Variants in RAP2A observed in about 807,000 individuals in gnomAD.
The protein encoded by RAP2A is ras-related protein Rap-2a.
Under a neutral mutation model 15.1 loss-of-function variants are expected in RAP2A, and 5 were observed. The ratio of observed to expected loss-of-function variants is 0.33; its 90% confidence interval spans 0.17 to 0.70. The LOEUF is 0.70. Ranked by LOEUF, RAP2A falls within the 30% of genes least tolerant of loss-of-function variation. The pLI is 0.68. For synonymous variants in RAP2A, 110 were observed against 99.7 expected, an observed-to-expected ratio of 1.10 and a Z score of -0.62; for missense variants, 111 against 240.3, an observed-to-expected ratio of 0.46 and a Z score of 3.56.
intron 1 of RAP2A, among the ~76,000 whole-genome samples, chr13:97,446,608 C>T (rs2066680763): frequency 1.3e-5 from 2 of 152,254 alleles, no homozygotes; most frequent in Admixed American, 6.5e-5. Flanking sequence ...CAGTTTGGGG[C>T]CTAATCTCTG....
chr13:97,434,923 C>A, intron 1 of RAP2A, 139 bp downstream of exon 1: 1 of 1,250,188 alleles, frequency 8.0e-7, no homozygotes, highest in Non-Finnish European at 1.1e-6. Flanking sequence ...TGTCATTCTG[C>A]TCCTCCTCCT....
Position 97,434,437 on chromosome 13 carries a change from G to GGGCGGC in RAP2A, c.-18_-13dup, listed in dbSNP as rs755279212. ...CGCGGCCGGCGTAGGTCTATGTCGC[G>GGGCGGC]GGCGGCGGCGGCGGCGGCGGCCGCG... On this transcript the variant is annotated 5_prime_UTR_variant, in exon 1 of 2. Coordinates refer to ENST00000245304, the MANE Select transcript of RAP2A (RefSeq NM_021033.7). The GGGCGGC allele has an allele frequency of 4.9e-5, 75 of 1,543,566 alleles. No individual in the cohort carries two copies. Among genetic ancestry groups the GGGCGGC allele is most frequent in the African/African-American group, 8.3e-5 (6 of 72,220 alleles).
At chr13:97,463,005 T>C (rs2066754524) in intron 1 of RAP2A, among the ~76,000 whole-genome samples, 1 of 86,602 alleles carries the variant, frequency 1.2e-5, no homozygotes, top group South Asian at 4.4e-4. Flanking sequence ...TGGTTTTCTC[T>C]TCTGACAGAT....
Position 97,464,201 on chromosome 13 carries a change from A to C in RAP2A, c.315-4A>C, listed in dbSNP as rs1336710832. On this transcript the variant is annotated splice_region_variant and splice_polypyrimidine_tract_variant and intron_variant, in intron 1 of 1. Coordinates refer to ENST00000245304, the MANE Select transcript of RAP2A (RefSeq NM_021033.7). ...GTATGTGTGTTTTGTTTATTCTCTCATAGGTATGAGAAAGTGCCAGTCATC... is the reference window on the plus strand; with the variant it reads ...GTATGTGTGTTTTGTTTATTCTCTCCTAGGTATGAGAAAGTGCCAGTCATC... 6.2e-7 allele frequency: 1 copy of C among 1,613,844 alleles called. No homozygotes were observed.
chr13:97,448,014 G>A (rs1214969441), intron 1 of RAP2A, among the ~76,000 whole-genome samples: 1 of 140,598 alleles, frequency 7.1e-6, no homozygotes, highest in Non-Finnish European at 1.5e-5. Context: ...AACCCACCTT[G>A]TCTTAGCTAG....
intron 1 of RAP2A, among the ~76,000 whole-genome samples, chr13:97,458,682 A>G (rs2066734076): frequency 6.6e-6 from 1 of 152,220 alleles, no homozygotes; most frequent in African/African-American, 2.4e-5. Flanking sequence ...AGAATTCTCA[A>G]GTTGTGTTGA....
At chr13:97,461,394 C>G (rs1167575213) in intron 1 of RAP2A, among the ~76,000 whole-genome samples, 1 of 149,608 alleles carries the variant, frequency 6.7e-6, no homozygotes, top group East Asian at 1.9e-4. Context: ...GAAAAGGCCA[C>G]TGACAAGTTA....
rs756996577 is a variant in RAP2A at position 97,434,530 on chromosome 13, C to G, written c.60C>G (p.Thr20=). 5 of 1,613,876 alleles carry G rather than the reference C, an allele frequency of 3.1e-6. No homozygotes were observed. In the South Asian group the frequency reaches 4.4e-5, roughly 14 times the overall value. The change falls in exon 1 of 2, where the codon ACC becomes ACG. Residue 20 remains threonine (T), a synonymous_variant. Transcript: ENST00000245304. ...GSGGVGKSAL[T]VQFVTGTFIE... is the part of the protein sequence containing the mutation. ...GCGGGGTAGGCAAATCCGCCCTGAC[C>G]GTGCAGTTCGTGACCGGCACCTTCA... is the stretch of plus-strand genomic sequence containing the variant.
Position 97,467,688 on chromosome 13 carries a change from T to TTA in RAP2A, c.*3246_*3247insTA, listed in dbSNP as rs398024085. On this transcript the variant is annotated 3_prime_UTR_variant, in exon 2 of 2. Transcript: ENST00000245304. Reference sequence around the variant, plus strand: ...AGGACTATGGAGGTCTTTTTTTTTTTATTTAACATGTCATTGTTCATCTAT... The same window carrying TTA: ...AGGACTATGGAGGTCTTTTTTTTTTTTAATTTAACATGTCATTGTTCATCTAT... 2.6e-5 allele frequency: 4 copies of TTA among 152,382 alleles called. No individual in the cohort carries two copies. Among genetic ancestry groups the TTA allele is most frequent in the African/African-American group, 9.6e-5 (4 of 41,474 alleles). 9.4% of individuals were successfully genotyped at this position (152,382 alleles called of 1,614,324 possible).
At chr13:97,443,367 C>T (rs1006569041) in intron 1 of RAP2A, among the ~76,000 whole-genome samples, 4 of 152,152 alleles carry the variant, frequency 2.6e-5, no homozygotes, top group Admixed American at 2.0e-4. Context: ...AGTATCTTTA[C>T]AGCTCTCTCT....
intron 1 of RAP2A, among the ~76,000 whole-genome samples, chr13:97,450,731 G>T (rs1242547080): frequency 2.0e-5 from 3 of 151,754 alleles, no homozygotes; most frequent in Non-Finnish European, 2.9e-5. Flanking sequence ...TAAGGTTTGG[G>T]GCTTCTATTT....
intron 1 of RAP2A, among the ~76,000 whole-genome samples, chr13:97,439,356 G>A (rs377176896): frequency 1.3e-5 from 2 of 152,182 alleles, no homozygotes; most frequent in African/African-American, 4.8e-5. Flanking sequence ...TGATAATCCA[G>A]TTTTTACGTG....
In RAP2A at chr13:97,456,953, T is replaced by C. The variant is rs558318116; in HGVS notation, c.315-7252T>C. Among the ~76,000 whole-genome samples, 102 of 152,308 alleles carry C rather than the reference T, an allele frequency of 6.7e-4. 1 individual carries two copies. Among genetic ancestry groups the C allele is most frequent in the African/African-American group, 2.3e-3 (95 of 41,580 alleles). On this transcript the variant is annotated intron_variant, in intron 1 of 1. Transcript: ENST00000245304. ...TACAAGCAGTATTGATGTTTCATGC[T>C]AGCAAACTGTGGTAGAAGCCTTCGA...
At chr13:97,438,482 A>C (rs1158138336) in intron 1 of RAP2A, among the ~76,000 whole-genome samples, 1 of 152,124 alleles carries the variant, frequency 6.6e-6, no homozygotes, top group Non-Finnish European at 1.5e-5. Flanking sequence ...TTTATACCGG[A>C]GGTTGCAAAT....
intron 1 of RAP2A, among the ~76,000 whole-genome samples, chr13:97,438,754 T>C (rs1304392): frequency 0.55 from 84,106 of 152,122 alleles, 27,626 homozygotes; most frequent in Middle Eastern, 0.74. Context: ...ATTTAATTAT[T>C]TGTGTGATAA....
chr13:97,462,282 T>G (rs143131442), intron 1 of RAP2A, among the ~76,000 whole-genome samples: 140 of 152,158 alleles, frequency 9.2e-4, no homozygotes, highest in African/African-American at 3.3e-3. Context: ...GTATATACTT[T>G]CATAAGAAAA....
rs1304372292 is a variant in RAP2A at position 97,465,785 on chromosome 13, C to A, written c.*1343C>A. The A allele has an allele frequency of 1.3e-5, 2 of 152,122 alleles. No individual in the cohort carries two copies. The highest frequency in any genetic ancestry group is 2.4e-5 in the African/African-American group (1 of 41,414). The allele number at this position is 152,122 out of a possible 1,614,324, so 9.4% of individuals were successfully genotyped here. A position where few individuals can be genotyped will look rare whatever the true frequency, so the allele number is the denominator to read the frequency against. Reference sequence around the variant, plus strand: ...GCATGACTAATGGCACAGGAAAAACCTATTCATAAGTTTTACAATCAAGTA... The same window carrying A: ...GCATGACTAATGGCACAGGAAAAACATATTCATAAGTTTTACAATCAAGTA... On this transcript the variant is annotated 3_prime_UTR_variant, in exon 2 of 2. Transcript: ENST00000245304.
chr13:97,434,542 G>A lies in RAP2A; in HGVS notation c.72G>A (p.Val24=). The A allele has an allele frequency of 3.1e-6, 5 of 1,614,028 alleles. No homozygotes were observed. Among genetic ancestry groups the A allele is most frequent in the Non-Finnish European group, 4.2e-6 (5 of 1,179,986 alleles). The part of the protein sequence containing the change: ...VGKSALTVQF[V]TGTFIEKYDP... Reference sequence around the variant, plus strand: ...AATCCGCCCTGACCGTGCAGTTCGTGACCGGCACCTTCATCGAGAAATACG... The same window carrying A: ...AATCCGCCCTGACCGTGCAGTTCGTAACCGGCACCTTCATCGAGAAATACG... The change falls in exon 1 of 2, where the codon GTG becomes GTA. Residue 24 remains valine (V), a synonymous_variant. Transcript: ENST00000245304.
At chr13:97,460,926 C>T (rs969336750) in intron 1 of RAP2A, among the ~76,000 whole-genome samples, 1 of 152,164 alleles carries the variant, frequency 6.6e-6, no homozygotes, top group African/African-American at 2.4e-5. Flanking sequence ...ACCCTCAACT[C>T]GGTTTGCCCT....
Sources: gnomAD v4.1 joint callset for allele counts (sites outside exome capture counted in the v4.1 genomes callset) on GRCh38, gnomAD v4.1.1 for gene constraint, MANE v1.5 for transcripts, NCBI Gene and HGNC (gene_info 2026-07-23, HGNC 2026-07-21) for gene names.